The following CTNNA2 variants were observed in gnomAD, a reference collection of about 807,000 sequenced individuals.
CTNNA2 encodes the protein catenin alpha 2.
CTNNA2 carries 42 observed loss-of-function variants against 101.0 expected under a neutral mutation model. The observed-to-expected ratio is 0.42, with a 90% CI of 0.32 to 0.54. The LOEUF (loss-of-function observed/expected upper bound fraction) is 0.54. CTNNA2 is among the 20% of genes least tolerant of loss of function. The probability of loss-of-function intolerance (pLI) is 0.14; values close to 1 mark genes in which losing one functional copy is unlikely to be tolerated. For synonymous variants in CTNNA2, 450 were observed against 456.4 expected (o/e 0.99, Z 0.18); for missense variants, 871 against 1,223.1 (o/e 0.71, Z 4.29).
chr2:80,605,901 C>T (rs752431396), intron 16 of CTNNA2, among the ~76,000 whole-genome samples: 7 of 151,874 alleles, frequency 4.6e-5, no homozygotes, highest in Admixed American at 6.6e-5. Flanking sequence ...TAACCCATTG[C>T]TATTGCCTAA....
intron 7 of CTNNA2, among the ~76,000 whole-genome samples, chr2:80,210,128 A>T (rs1171372824): frequency 6.6e-6 from 1 of 152,192 alleles, no homozygotes; most frequent in African/African-American, 2.4e-5. Context: ...CAGTATGCAG[A>T]GATAGTTTTT....
intron 4 of CTNNA2, among the ~76,000 whole-genome samples, chr2:79,380,385 GAAAATGGAAGATTTTA>G (rs1678026086): frequency 1.8e-4 from 2 of 10,868 alleles, no homozygotes; most frequent in Non-Finnish European, 2.3e-4. Flanking sequence ...TCCATTTTAT[GAAAATGGAAGATTTTA>G]TGAATTTGGC....
Position 79,744,482 on chromosome 2 carries a change from A to G in CTNNA2, c.198A>G (p.Gln66=). ...ATGTACTAGCTGCCTCTGTAGAGCAAGCCACTCAGAATTTCCTGGAAAAGG... is the reference window on the plus strand; with the variant it reads ...ATGTACTAGCTGCCTCTGTAGAGCAGGCCACTCAGAATTTCCTGGAAAAGG... ...KAHVLAASVE[Q]ATQNFLEKGE... Residue 66 remains glutamine, a synonymous_variant, in exon 3 of 19, where the codon CAA becomes CAG. Transcript: ENST00000402739. 1 of 1,614,152 alleles carries G rather than the reference A, an allele frequency of 6.2e-7. No individual in the cohort carries two copies. The highest frequency in any genetic ancestry group is 8.5e-7 in the Non-Finnish European group (1 of 1,180,010).
intron 2 of CTNNA2, among the ~76,000 whole-genome samples, chr2:79,274,314 T>C (rs912791928): frequency 6.6e-6 from 1 of 152,064 alleles, no homozygotes; most frequent in Admixed American, 6.6e-5. Context: ...CTGAATTGTC[T>C]GTGGGCATAC....
intron 7 of CTNNA2, among the ~76,000 whole-genome samples, chr2:80,151,205 C>T (rs1703673138): frequency 6.6e-6 from 1 of 152,202 alleles, no homozygotes; most frequent in Non-Finnish European, 1.5e-5. Context: ...TATATTTCCC[C>T]TCCAAGCCAA....
chr2:80,230,899 C>A (rs867661658), intron 7 of CTNNA2, among the ~76,000 whole-genome samples: 1 of 152,138 alleles, frequency 6.6e-6, no homozygotes, highest in Non-Finnish European at 1.5e-5. Flanking sequence ...TTACTTTTAG[C>A]CAAATTCCTC....
At chr2:80,292,918 C>T (rs965870676) in intron 7 of CTNNA2, among the ~76,000 whole-genome samples, 2 of 151,796 alleles carry the variant, frequency 1.3e-5, no homozygotes, top group African/African-American at 2.4e-5. Flanking sequence ...TTTTTTTGTA[C>T]CTTTATGATT....
intron 1 of CTNNA2, among the ~76,000 whole-genome samples, chr2:79,629,833 A>T (rs1679568782): frequency 6.6e-6 from 1 of 152,058 alleles, no homozygotes; most frequent in African/African-American, 2.4e-5. Context: ...TGCCTTGCTG[A>T]ACCTGGAGAG....
chr2:79,991,371 T>C (rs1411777539), intron 7 of CTNNA2, among the ~76,000 whole-genome samples: 2 of 152,160 alleles, frequency 1.3e-5, no homozygotes, highest in Non-Finnish European at 2.9e-5. Context: ...TTTTTTTCCA[T>C]GAGCTTTTCA....
chr2:79,554,761 A>T (rs924083259), intron 1 of CTNNA2, among the ~76,000 whole-genome samples: 1 of 152,200 alleles, frequency 6.6e-6, no homozygotes, highest in Non-Finnish European at 1.5e-5. Context: ...TTCCACAGAA[A>T]TGGAGGTTAT....
chr2:80,248,064 A>G (rs1308229178), intron 7 of CTNNA2, among the ~76,000 whole-genome samples: 1 of 150,272 alleles, frequency 6.7e-6, no homozygotes, highest in Non-Finnish European at 1.5e-5. Context: ...CTGGACTTTG[A>G]ACTACATAAT....
chr2:80,287,988 A>G (rs1674914619), intron 7 of CTNNA2, among the ~76,000 whole-genome samples: 1 of 152,170 alleles, frequency 6.6e-6, no homozygotes, highest in Admixed American at 6.5e-5. Flanking sequence ...TTAGTTAATG[A>G]CTTAATTGCC....
intron 3 of CTNNA2, among the ~76,000 whole-genome samples, chr2:79,826,974 A>G (rs902549766): frequency 2.0e-5 from 3 of 152,168 alleles, no homozygotes; most frequent in Non-Finnish European, 2.9e-5. Flanking sequence ...ATAAATCCAC[A>G]TGGCATTTTT....
At chr2:79,956,664 G>C (rs1689242403) in intron 7 of CTNNA2, among the ~76,000 whole-genome samples, 3 of 152,136 alleles carry the variant, frequency 2.0e-5, no homozygotes, top group African/African-American at 7.2e-5. Context: ...AAGGTATCTT[G>C]AAAGTCTCAA....
At chr2:79,838,512 T>C (rs1461744626) in intron 3 of CTNNA2, among the ~76,000 whole-genome samples, 3 of 152,168 alleles carry the variant, frequency 2.0e-5, no homozygotes. Flanking sequence ...TAGAGTTATT[T>C]CAGACTAATT....
intron 2 of CTNNA2, among the ~76,000 whole-genome samples, chr2:79,306,996 T>A (rs1399557897): frequency 1.3e-5 from 2 of 152,240 alleles, no homozygotes; most frequent in Non-Finnish European, 1.5e-5. Flanking sequence ...AGGCATAAGA[T>A]ATACTCTAGA....
intron 1 of CTNNA2, among the ~76,000 whole-genome samples, chr2:79,631,235 G>A (rs527832460): frequency 2.8e-4 from 43 of 152,250 alleles, no homozygotes; most frequent in African/African-American, 9.6e-4. Context: ...TTATCTGTCT[G>A]TTGAATCAAA....
chr2:79,855,424 G>A (rs1004861779), intron 3 of CTNNA2, among the ~76,000 whole-genome samples: 3 of 152,190 alleles, frequency 2.0e-5, no homozygotes, highest in Non-Finnish European at 4.4e-5. Context: ...CCAGATGCCC[G>A]ATGGTGCCGC....
intron 3 of CTNNA2, among the ~76,000 whole-genome samples, chr2:79,850,550 T>C (rs917040643): frequency 6.6e-6 from 1 of 152,146 alleles, no homozygotes; most frequent in Admixed American, 6.5e-5. Context: ...CAGACATATG[T>C]AAACAAATAA....
Sources: gnomAD v4.1 joint callset for allele counts (sites outside exome capture counted in the v4.1 genomes callset) on GRCh38, gnomAD v4.1.1 for gene constraint, MANE v1.5 for transcripts, NCBI Gene and HGNC (gene_info 2026-07-23, HGNC 2026-07-21) for gene names.